The following ULK3 variants were observed in gnomAD, a reference collection of about 807,000 sequenced individuals.
ULK3 encodes the protein unc-51 like kinase 3, also known as serine/threonine-protein kinase ULK3.
Under a neutral mutation model 69.4 loss-of-function variants are expected in ULK3, and 54 were observed. The ratio of observed to expected loss-of-function variants is 0.78; its 90% CI spans 0.63 to 0.98. ULK3 has a LOEUF of 0.98. Among genes scored for constraint, ULK3 ranks in the 50% least tolerant of loss-of-function variants. The pLI, the probability that ULK3 is intolerant of heterozygous loss-of-function variation, is 0.00. For synonymous variants in ULK3, 240 were observed against 254.5 expected (o/e 0.94, Z 0.54); for missense variants, 558 against 627.7 (o/e 0.89, Z 1.19).
In ULK3 at chr15:74,841,466, C is replaced by T; in HGVS notation, c.408G>A (p.Leu136=). The change falls in exon 4 of 16, where the codon CTG becomes CTA. Residue 136 remains leucine, a synonymous_variant. Coordinates refer to ENST00000440863, the MANE Select transcript of ULK3 (RefSeq NM_001099436.4). ...GTAGAATGTTCTGTGGCTTCAGATC[C>T]AGGTGAGAGATATTCCGTTCATGCA... is the stretch of plus-strand genomic sequence containing the variant. ...QFLHERNISH[L]DLKPQNILLS... 1 of 1,613,904 alleles carries T rather than the reference C, an allele frequency of 6.2e-7. No individual in the cohort carries two copies. Among genetic ancestry groups the T allele is most frequent in the Non-Finnish European group, 8.5e-7 (1 of 1,179,858 alleles).
In ULK3 at chr15:74,840,630, C is replaced by A; in HGVS notation, c.481G>T (p.Ala161Ser). The change falls in exon 5 of 16, where the codon GCA becomes TCA. Residue 161 changes from alanine (A) to serine (S), a missense_variant. Physicochemically the swap from Ala to Ser is moderately conservative, Grantham distance 99 (BLOSUM62 1). Coordinates refer to ENST00000440863, the MANE Select transcript of ULK3 (RefSeq NM_001099436.4). ...PHLKLADFGF[A>S]QHMSPWDEKH... ...TCATCCCACGGGGACATGTGTTGTG[C>A]GAAACCAAAGTCTGCAGGCAAGAGG... 1 of 1,568,886 alleles carries A rather than the reference C, an allele frequency of 6.4e-7. No individual in the cohort carries two copies. The highest frequency in any genetic ancestry group is 8.6e-7 in the Non-Finnish European group (1 of 1,159,976).
rs1177800397 is a variant in ULK3, at chr15:74,836,696, G to C, written c.*532C>G. 6.5e-6 allele frequency: 1 copy of C among 152,982 alleles called. No homozygotes were observed. The highest frequency in any genetic ancestry group is 1.5e-5 in the Non-Finnish European group (1 of 68,564). The allele number at this position is 152,982 out of a possible 1,614,324, so 9.5% of individuals were successfully genotyped here. A position where few individuals can be genotyped will look rare whatever the true frequency, so the allele number is the denominator to read the frequency against. On this transcript the variant is annotated 3_prime_UTR_variant, in exon 16 of 16. Coordinates refer to ENST00000440863, the MANE Select transcript of ULK3 (RefSeq NM_001099436.4). The surrounding 1 kb of genome is among the most constrained non-coding windows in gnomAD (Gnocchi z 4.0). ...GATGGCGGGCAGGTGTGAGTTCCCA[G>C]AAAGACTGGTGGGTTCTGTGGGGCT...
At position 74,842,010 on chromosome 15, in the gene ULK3, G is replaced by A. The variant is rs924305164; in HGVS notation, c.364+65C>T. Reference sequence around the variant, plus strand: ...GTGCCAAGGCTCTAAGCCTGGGGGAGGGGTGGGATGGTGGGGGGCAGAGAA... The same window carrying A: ...GTGCCAAGGCTCTAAGCCTGGGGGAAGGGTGGGATGGTGGGGGGCAGAGAA... On this transcript the variant is annotated intron_variant, in intron 3 of 15. Coordinates refer to ENST00000440863, the MANE Select transcript of ULK3 (RefSeq NM_001099436.4). This position sits in a 1 kb window ranked among gnomAD's most constrained non-coding sequence, Gnocchi z 4.9. 1 of 1,606,872 alleles carries A rather than the reference G, an allele frequency of 6.2e-7. No homozygotes were observed. The highest frequency in any genetic ancestry group is 2.2e-5 in the East Asian group (1 of 44,840).
Position 74,840,657 on chromosome 15 carries a change from G to GAA in ULK3, c.470-17_470-16insTT, listed in dbSNP as rs2064214574. 1 of 1,541,338 alleles carries GAA rather than the reference G, an allele frequency of 6.5e-7. No homozygotes were observed. Among genetic ancestry groups the GAA allele is most frequent in the Admixed American group, 2.1e-5 (1 of 48,426 alleles). ...AAACCAAAGTCTGCAGGCAAGAGGA[G>GAA]AGGCAGCAGGGCTTGAATTCCAGCT... On this transcript the variant is annotated splice_polypyrimidine_tract_variant and intron_variant, in intron 4 of 15. Transcript: ENST00000440863.
At chr15:74,840,196 C>T in intron 6 of ULK3, 38 bp downstream of exon 6, 1 of 1,576,714 alleles carries the variant, frequency 6.3e-7, no homozygotes, top group African/African-American at 1.3e-5. Context: ...CTGACTCCCT[C>T]TGCCCCCCAG....
In ULK3 at chr15:74,837,255, G is replaced by A; in HGVS notation, c.1403-11C>T. The A allele has an allele frequency of 5.6e-6, 9 of 1,595,852 alleles. No homozygotes were observed. In the South Asian group the frequency reaches 5.7e-5, roughly 10 times the overall value. On this transcript the variant is annotated splice_polypyrimidine_tract_variant and intron_variant, in intron 15 of 15. Coordinates refer to ENST00000440863, the MANE Select transcript of ULK3 (RefSeq NM_001099436.4). ...ACTGAAGGGTGCAAGCTACGGGGGT[G>A]AGGGGGACAATGGGGGAGGGTCAGT... is the stretch of plus-strand genomic sequence containing the variant.
At chr15:74,838,222 G>C in intron 12 of ULK3, 30 bp from the exon 13 acceptor site, 1 of 1,567,248 alleles carries the variant, frequency 6.4e-7, no homozygotes, top group Non-Finnish European at 8.6e-7. Context: ...GGTGAGGACA[G>C]GGTGGCCAGA....
intron 4 of ULK3, 40 bp from the exon 5 acceptor site, chr15:74,840,681 C>T: frequency 6.5e-7 from 1 of 1,528,832 alleles, no homozygotes; most frequent in Non-Finnish European, 8.8e-7. Flanking sequence ...TGAATTCCAG[C>T]TGCTTCAGCT....
intron 4 of ULK3, among the ~76,000 whole-genome samples, chr15:74,840,997 C>T (rs1442869407): frequency 1.3e-5 from 2 of 152,148 alleles, no homozygotes; most frequent in African/African-American, 2.4e-5. Context: ...CCTCCTACTC[C>T]CCCACCACAC....
chr15:74,839,221 C>G, intron 8 of ULK3, 47 bp downstream of exon 8: 1 of 1,542,508 alleles, frequency 6.5e-7, no homozygotes, highest in Non-Finnish European at 8.8e-7. Flanking sequence ...ACAGATGACT[C>G]CCATCCCTGC....
Position 74,841,528 on chromosome 15 carries a change from G to A in ULK3, c.365-19C>T, listed in dbSNP as rs377393008. The A allele has an allele frequency of 2.9e-5, 46 of 1,608,926 alleles. 1 individual carries two copies. The highest frequency in any genetic ancestry group is 2.4e-4 in the African/African-American group (18 of 74,816). On this transcript the variant is annotated intron_variant, in intron 3 of 15. Transcript: ENST00000440863. Reference sequence around the variant, plus strand: ...GCGCTAGCTGAGGAGCAGGACCCACGAAGAGAGACAGTTCAGAGCCCATTC... The same window carrying A: ...GCGCTAGCTGAGGAGCAGGACCCACAAAGAGAGACAGTTCAGAGCCCATTC...
chr15:74,841,550 A>G, intron 3 of ULK3, 41 bp from the exon 4 acceptor site: 2 of 1,566,668 alleles, frequency 1.3e-6, no homozygotes, highest in Non-Finnish European at 8.8e-7. Flanking sequence ...TTCAGAGCCC[A>G]TTCCCGCCTG....
chr15:74,837,648 A>C (rs2064068569), intron 14 of ULK3, 103 bp downstream of exon 14: 3 of 1,389,698 alleles, frequency 2.2e-6, no homozygotes, highest in East Asian at 2.5e-5. Context: ...CCTGCAGAGG[A>C]GGCGAGAGAG....
Position 74,842,790 on chromosome 15 carries a change from T to A in ULK3, c.102+214A>T. 2.0e-6 allele frequency: 3 copies of A among 1,463,992 alleles called. No homozygotes were observed. Among genetic ancestry groups the A allele is most frequent in the Non-Finnish European group, 2.7e-6 (3 of 1,100,760 alleles). 90.7% of individuals were successfully genotyped at this position (1,463,992 alleles called of 1,614,324 possible). A position where few individuals can be genotyped will look rare whatever the true frequency, so the allele number is the denominator to read the frequency against. On this transcript the variant is annotated intron_variant, in intron 1 of 15. Transcript: ENST00000440863. This position sits in a 1 kb window ranked among gnomAD's most constrained non-coding sequence, Gnocchi z 4.9. The stretch of plus-strand genomic sequence containing the variant: ...CCCACCAGGTAACCTGTTTTGAGCC[T>A]GTTCTTCAGCCACTGACCCTGCAGG...
chr15:74,842,648 C>G lies in ULK3; in HGVS notation c.103-228G>C. Reference sequence around the variant, plus strand: ...CCTCAGCCTGGTCTTCTCCAACCCTCGGCTAGCTGATCCATTTCTTTGCAT... The same window carrying G: ...CCTCAGCCTGGTCTTCTCCAACCCTGGGCTAGCTGATCCATTTCTTTGCAT... On this transcript the variant is annotated intron_variant, in intron 1 of 15. Transcript: ENST00000440863. The surrounding 1 kb of genome is among the most constrained non-coding windows in gnomAD (Gnocchi z 4.9). The G allele has an allele frequency of 2.6e-6, 4 of 1,536,352 alleles. No homozygotes were observed. The highest frequency in any genetic ancestry group is 2.6e-6 in the Non-Finnish European group (3 of 1,147,208).
chr15:74,842,156 C>A lies in ULK3; in HGVS notation c.283G>T (p.Ala95Ser), dbSNP rs775473939. The A allele has an allele frequency of 1.9e-6, 3 of 1,613,970 alleles. No individual in the cohort carries two copies. The highest frequency in any genetic ancestry group is 2.5e-6 in the Non-Finnish European group (3 of 1,179,892). ...DNIYLIMEFC[A>S]GGDLSRFIHT... ...ATGAAGCGAGACAGGTCGCCCCCTG[C>A]GCAAAACTCCATGATGAGGTAGATA... The change falls in exon 3 of 16, where the codon GCA (alanine) becomes TCA (serine). Residue 95 changes from alanine to serine, a missense_variant. Physicochemically the swap from Ala to Ser is moderately conservative, Grantham distance 99 (BLOSUM62 1). Coordinates refer to ENST00000440863, the MANE Select transcript of ULK3 (RefSeq NM_001099436.4). This position sits in a 1 kb window ranked among gnomAD's most constrained non-coding sequence, Gnocchi z 4.9.
At position 74,837,708 on chromosome 15, in the gene ULK3, G is replaced by A. The variant is rs769356772; in HGVS notation, c.1335+43C>T. 12 of 1,568,068 alleles carry A rather than the reference G, an allele frequency of 7.7e-6. No individual in the cohort carries two copies. The Admixed American group carries it at 2.2e-4, about 29-fold the overall frequency. ...CGACAGCCACAAGCAGAGAGCAACAGAACCCACAGACCCTAGCCCCAGCGT... is the reference window on the plus strand; with the variant it reads ...CGACAGCCACAAGCAGAGAGCAACAAAACCCACAGACCCTAGCCCCAGCGT... On this transcript the variant is annotated intron_variant, in intron 14 of 15. Coordinates refer to ENST00000440863, the MANE Select transcript of ULK3 (RefSeq NM_001099436.4).
Position 74,842,978 on chromosome 15 carries a change from G to A in ULK3, c.102+26C>T, listed in dbSNP as rs1444580737. Reference sequence around the variant, plus strand: ...GCACCAGCCGAGCTAGCTCGGGCGGGCACGGGGCCATCGGCCGGCACCCAC... The same window carrying A: ...GCACCAGCCGAGCTAGCTCGGGCGGACACGGGGCCATCGGCCGGCACCCAC... On this transcript the variant is annotated intron_variant, in intron 1 of 15. Transcript: ENST00000440863. The surrounding 1 kb of genome is among the most constrained non-coding windows in gnomAD (Gnocchi z 4.9). 2 of 1,542,542 alleles carry A rather than the reference G, an allele frequency of 1.3e-6. No homozygotes were observed. Among genetic ancestry groups the A allele is most frequent in the Admixed American group, 2.0e-5 (1 of 49,834 alleles).
At chr15:74,841,141 C>A (rs2064231881) in intron 4 of ULK3, among the ~76,000 whole-genome samples, 1 of 152,190 alleles carries the variant, frequency 6.6e-6, no homozygotes, top group Non-Finnish European at 1.5e-5. Context: ...CCCAGATTGA[C>A]CCCTAAACCT....
Sources: gnomAD v4.1 joint callset for allele counts (sites outside exome capture counted in the v4.1 genomes callset) on GRCh38, gnomAD v4.1.1 for gene constraint, Gnocchi (gnomAD v3.1) non-coding constraint, MANE v1.5 for transcripts, NCBI Gene and HGNC (gene_info 2026-07-23, HGNC 2026-07-21) for gene names.